Variants in DRC11 observed in about 807,000 individuals in gnomAD.
DRC11 encodes IQ and AAA domain-containing protein 1.
At chr2:236,371,097 C>T in the DRC11 span, among the ~76,000 whole-genome samples, 22 of 152,042 alleles carry the variant, frequency 1.4e-4, no homozygotes, top group African/African-American at 1.2e-4. The surrounding 1 kb of genome is among the most constrained non-coding windows in gnomAD (Gnocchi z 5.1). Context: ...GACATCCATC[C>T]GGGCAACCAC....
the DRC11 span, among the ~76,000 whole-genome samples, chr2:236,375,955 C>A: frequency 6.6e-6 from 1 of 152,182 alleles, no homozygotes; most frequent in Non-Finnish European, 1.5e-5. This position sits in a 1 kb window ranked among gnomAD's most constrained non-coding sequence, Gnocchi z 4.2. Context: ...CTGCTGGGAA[C>A]AGAATCTCCA....
chr2:236,330,850 A>T, the DRC11 span, among the ~76,000 whole-genome samples: 1 of 152,296 alleles, frequency 6.6e-6, no homozygotes, highest in East Asian at 1.9e-4. The surrounding 1 kb of genome is among the most constrained non-coding windows in gnomAD (Gnocchi z 5.5). Flanking sequence ...TTTCCTTCAG[A>T]TCCAAAAAGT....
At chr2:236,466,450 G>T in the DRC11 span, among the ~76,000 whole-genome samples, 1 of 152,188 alleles carries the variant, frequency 6.6e-6, no homozygotes. Flanking sequence ...TGCCGTAAAA[G>T]AATACTGGAG....
At chr2:236,358,456 G>T in the DRC11 span, among the ~76,000 whole-genome samples, 9,747 of 137,120 alleles carry the variant, frequency 0.071, 553 homozygotes, top group Middle Eastern at 0.15. Context: ...CATATAAAAA[G>T]TATAAATATT....
the DRC11 span, among the ~76,000 whole-genome samples, chr2:236,326,085 AG>A: frequency 2.6e-5 from 4 of 152,192 alleles, no homozygotes; most frequent in Non-Finnish European, 4.4e-5. Context: ...GTAATCTGGT[AG>A]GTTTTAAGCC....
the DRC11 span, among the ~76,000 whole-genome samples, chr2:236,361,100 C>CT: frequency 6.6e-6 from 1 of 152,090 alleles, no homozygotes; most frequent in Non-Finnish European, 1.5e-5. This position sits in a 1 kb window ranked among gnomAD's most constrained non-coding sequence, Gnocchi z 5.7. Context: ...CACATAAGGA[C>CT]TCTAAGGCAA....
the DRC11 span, among the ~76,000 whole-genome samples, chr2:236,444,608 C>G: frequency 4.6e-5 from 7 of 152,152 alleles, no homozygotes; most frequent in Non-Finnish European, 8.8e-5. Context: ...GCTCACTCCC[C>G]CAAGGTAGCC....
At chr2:236,481,512 GCT>G in the DRC11 span, among the ~76,000 whole-genome samples, 1 of 152,144 alleles carries the variant, frequency 6.6e-6, no homozygotes, top group African/African-American at 2.4e-5. Flanking sequence ...ATGGGACATT[GCT>G]GGTGATAATC....
the DRC11 span, among the ~76,000 whole-genome samples, chr2:236,336,931 G>A: frequency 6.6e-6 from 1 of 152,168 alleles, no homozygotes; most frequent in Non-Finnish European, 1.5e-5. This position sits in a 1 kb window ranked among gnomAD's most constrained non-coding sequence, Gnocchi z 7.3. Context: ...GTGAGGCTGG[G>A]TCACAAGAAT....
chr2:236,398,134 T>C, the DRC11 span, among the ~76,000 whole-genome samples: 2 of 152,150 alleles, frequency 1.3e-5, no homozygotes, highest in African/African-American at 4.8e-5. This position sits in a 1 kb window ranked among gnomAD's most constrained non-coding sequence, Gnocchi z 6.2. Flanking sequence ...ATGGAAAAAC[T>C]CCAAGCCTTG....
chr2:236,490,902 TTGTGTG>T, the DRC11 span, among the ~76,000 whole-genome samples: 2 of 148,110 alleles, frequency 1.4e-5, no homozygotes, highest in South Asian at 2.1e-4. This position sits in a 1 kb window ranked among gnomAD's most constrained non-coding sequence, Gnocchi z 5.5. Flanking sequence ...GAAGAATATA[TTGTGTG>T]TGTGTGTGTA....
chr2:236,368,018 G>C, the DRC11 span: 1 of 644,686 alleles, frequency 1.6e-6, no homozygotes, highest in South Asian at 1.8e-5. Flanking sequence ...CTCCCTGGTA[G>C]TACTTTGTGT....
the DRC11 span, among the ~76,000 whole-genome samples, chr2:236,449,112 G>A: frequency 6.6e-6 from 1 of 152,056 alleles, no homozygotes; most frequent in Admixed American, 6.5e-5. This position sits in a 1 kb window ranked among gnomAD's most constrained non-coding sequence, Gnocchi z 5.1. Flanking sequence ...CGCCTGCCTC[G>A]GCCTCCCAAA....
At chr2:236,329,122 C>T in the DRC11 span, among the ~76,000 whole-genome samples, 3 of 152,222 alleles carry the variant, frequency 2.0e-5, no homozygotes, top group Admixed American at 1.3e-4. Context: ...TCAGACTGCT[C>T]TCTCTGGTTT....
At chr2:236,493,534 T>TATCTCAGTGTCTAAGCTCTTG in the DRC11 span, among the ~76,000 whole-genome samples, 10 of 152,230 alleles carry the variant, frequency 6.6e-5, no homozygotes, top group African/African-American at 2.4e-4. Flanking sequence ...TTAAGTAGCA[T>TATCTCAGTGTCTAAGCTCTTG]ATCTCAGTGT....
the DRC11 span, among the ~76,000 whole-genome samples, chr2:236,396,917 ACACT>A: frequency 6.6e-6 from 1 of 152,216 alleles, no homozygotes; most frequent in African/African-American, 2.4e-5. Flanking sequence ...CCGTGAACAC[ACACT>A]CACACCCAAG....
the DRC11 span, among the ~76,000 whole-genome samples, chr2:236,422,861 T>A: frequency 6.6e-6 from 1 of 151,212 alleles, no homozygotes; most frequent in Non-Finnish European, 1.5e-5. Flanking sequence ...GAGATATAGA[T>A]CAATGGAACA....
the DRC11 span, among the ~76,000 whole-genome samples, chr2:236,417,734 C>T: frequency 1.1e-4 from 16 of 152,070 alleles, no homozygotes; most frequent in East Asian, 1.2e-3. Context: ...CCCTTGCCCC[C>T]CATCCCCTAA....
the DRC11 span, among the ~76,000 whole-genome samples, chr2:236,358,432 C>A: frequency 0.7 from 95,840 of 136,016 alleles, 34,688 homozygotes; most frequent in African/African-American, 0.87. Context: ...GAATATATAT[C>A]ATATATAAAT....
Sources: allele counts gnomAD v4.1 joint callset (sites outside exome capture counted in the v4.1 genomes callset), GRCh38; gene constraint gnomAD v4.1.1; non-coding constraint Gnocchi (gnomAD v3.1); transcripts MANE v1.5; gene names NCBI Gene and HGNC (gene_info 2026-07-23, HGNC 2026-07-21).